Variants in CMSS1 observed in about 807,000 individuals in gnomAD.
CMSS1 encodes cms1 ribosomal small subunit homolog.
CMSS1 carries 33 observed loss-of-function variants against 43.5 expected under a neutral mutation model. The ratio of observed to expected loss-of-function variants is 0.76; its 90% confidence interval spans 0.57 to 1.01. CMSS1 has a LOEUF of 1.01. Ranked by LOEUF, CMSS1 falls within the 50% of genes least tolerant of loss-of-function variation. CMSS1 has a pLI of 0.00. For missense variants in CMSS1, 313 were observed against 326.4 expected (o/e 0.96, Z 0.32); for synonymous variants, 115 against 117.2 (o/e 0.98, Z 0.12).
In CMSS1 at chr3:99,932,497, T is replaced by C. The variant is rs911135448; in HGVS notation, c.64+114454T>C. 2.0e-5 allele frequency among the ~76,000 whole-genome samples: 3 copies of C among 152,194 alleles called. No individual in the cohort carries two copies. In the East Asian group the frequency reaches 5.8e-4, roughly 29 times the overall value. ...CTGTTTTTGAATATTTTTTTTTCAG[T>C]ATTCAAAAAAATGCTACTTCAAACA... On this transcript the variant is annotated intron_variant, in intron 1 of 9. Transcript: ENST00000421999.
At chr3:100,164,226 A>T (rs1164162906) in intron 4 of CMSS1, among the ~76,000 whole-genome samples, 6 of 152,184 alleles carry the variant, frequency 3.9e-5, no homozygotes, top group Non-Finnish European at 1.5e-5. Context: ...TAACAAAACC[A>T]CTTTTGAAGC....
chr3:100,103,838 T>C (rs1380152391), intron 1 of CMSS1, among the ~76,000 whole-genome samples: 1 of 152,074 alleles, frequency 6.6e-6, no homozygotes, highest in Non-Finnish European at 1.5e-5. Flanking sequence ...AAGAAAAGAG[T>C]CTATGCCCTG....
At chr3:100,137,712 G>C (rs554835508) in intron 1 of CMSS1, among the ~76,000 whole-genome samples, 2 of 151,908 alleles carry the variant, frequency 1.3e-5, no homozygotes, top group African/African-American at 4.8e-5. Flanking sequence ...ATAGGCGCCC[G>C]CCACCATGCC....
intron 1 of CMSS1, among the ~76,000 whole-genome samples, chr3:99,893,417 G>A (rs530626292): frequency 2.1e-4 from 32 of 152,044 alleles, no homozygotes; most frequent in African/African-American, 6.8e-4. Flanking sequence ...CGCCTGTCTC[G>A]GCCTCCCAAA....
intron 1 of CMSS1, among the ~76,000 whole-genome samples, chr3:100,045,440 C>T (rs2065263906): frequency 6.6e-6 from 1 of 152,046 alleles, no homozygotes; most frequent in Non-Finnish European, 1.5e-5. Flanking sequence ...TGTATAAAAT[C>T]GAGATAAAAC....
chr3:100,025,037 T>G (rs2064893168), intron 1 of CMSS1, among the ~76,000 whole-genome samples: 2 of 152,330 alleles, frequency 1.3e-5, no homozygotes, highest in Admixed American at 6.5e-5. Flanking sequence ...AGTTTTTGTG[T>G]TACTAATTAA....
intron 1 of CMSS1, among the ~76,000 whole-genome samples, chr3:100,002,683 T>C (rs1462514866): frequency 1.3e-5 from 2 of 152,220 alleles, no homozygotes; most frequent in African/African-American, 4.8e-5. Context: ...AAAAAAGACC[T>C]TGAAGCTCAT....
At chr3:100,020,820 T>C (rs1280985579) in intron 1 of CMSS1, among the ~76,000 whole-genome samples, 3 of 132,602 alleles carry the variant, frequency 2.3e-5, no homozygotes. Context: ...AGGTTTGGAG[T>C]ACAGTGGCAC....
intron 1 of CMSS1, among the ~76,000 whole-genome samples, chr3:100,119,217 A>G (rs1286994899): frequency 1.4e-4 from 22 of 152,220 alleles, no homozygotes; most frequent in Admixed American, 1.4e-3. Flanking sequence ...TCTAGAAAAT[A>G]TGAGGTATAA....
At chr3:100,169,832 C>T (rs923756648) in intron 6 of CMSS1, among the ~76,000 whole-genome samples, 3 of 152,222 alleles carry the variant, frequency 2.0e-5, no homozygotes, top group Admixed American at 6.5e-5. Flanking sequence ...ATGCTAAGGG[C>T]AAAGAGTGTG....
chr3:100,130,131 C>A (rs2066694572), intron 1 of CMSS1, among the ~76,000 whole-genome samples: 1 of 152,126 alleles, frequency 6.6e-6, no homozygotes, highest in Non-Finnish European at 1.5e-5. Context: ...AGCCTATTTC[C>A]CCTTTTAAAA....
At chr3:99,849,790 G>A in intron 1 of CMSS1, 1 of 1,613,456 alleles carries the variant, frequency 6.2e-7, no homozygotes, top group Non-Finnish European at 8.5e-7. Context: ...CACTTCTTGA[G>A]AGAGCTCCTT....
At chr3:99,829,088 G>A (rs574748376) in intron 1 of CMSS1, among the ~76,000 whole-genome samples, 18 of 152,206 alleles carry the variant, frequency 1.2e-4, no homozygotes, top group African/African-American at 3.9e-4. Flanking sequence ...ATGGGGAATG[G>A]GAGTTCCTTT....
At chr3:99,921,132 A>G (rs1448194790) in intron 1 of CMSS1, among the ~76,000 whole-genome samples, 2 of 152,142 alleles carry the variant, frequency 1.3e-5, no homozygotes, top group Admixed American at 6.6e-5. Flanking sequence ...AGTTAGTCTC[A>G]CTTTTGTGGG....
intron 1 of CMSS1, among the ~76,000 whole-genome samples, chr3:100,054,477 ATTATG>A (rs2065427071): frequency 7.2e-6 from 1 of 138,072 alleles, no homozygotes; most frequent in Admixed American, 7.6e-5. Flanking sequence ...CGTTCATTAT[ATTATG>A]TTATGTTTTG....
At chr3:100,154,696 C>T (rs2066955516) in intron 2 of CMSS1, among the ~76,000 whole-genome samples, 1 of 151,954 alleles carries the variant, frequency 6.6e-6, no homozygotes, top group Non-Finnish European at 1.5e-5. Flanking sequence ...ATCAGCTGGG[C>T]GTGGTGGCTC....
intron 1 of CMSS1, among the ~76,000 whole-genome samples, chr3:100,125,384 G>A (rs912784017): frequency 7.2e-5 from 11 of 152,144 alleles, no homozygotes; most frequent in Non-Finnish European, 1.6e-4. Flanking sequence ...TAGGGGCCTG[G>A]GAGACACATC....
intron 1 of CMSS1, among the ~76,000 whole-genome samples, chr3:99,966,721 G>C (rs1302751956): frequency 2.0e-5 from 3 of 152,210 alleles, no homozygotes; most frequent in Non-Finnish European, 4.4e-5. Context: ...TCTAATAAAT[G>C]TAGTGTGTCA....
At chr3:99,930,722 C>T (rs1295455704) in intron 1 of CMSS1, 16 of 1,597,196 alleles carry the variant, frequency 1.0e-5, no homozygotes, top group Middle Eastern at 1.9e-4. Flanking sequence ...AATTCACAAG[C>T]AGCCTTCTGT....
Sources: gnomAD v4.1 joint callset for allele counts (sites outside exome capture counted in the v4.1 genomes callset) on GRCh38, gnomAD v4.1.1 for gene constraint, MANE v1.5 for transcripts, NCBI Gene and HGNC (gene_info 2026-07-23, HGNC 2026-07-21) for gene names.